Variants in MTDH observed in about 807,000 individuals in gnomAD.
MTDH encodes the protein protein LYRIC.
Under a neutral mutation model 72.7 loss-of-function variants are expected in MTDH, and 34 were observed. The ratio of observed to expected loss-of-function variants is 0.47; its 90% confidence interval spans 0.36 to 0.62. MTDH has a LOEUF of 0.62. Ranked by LOEUF, MTDH falls within the 20% of genes least tolerant of loss-of-function variation. The probability of loss-of-function intolerance (pLI) is 0.00; values close to 1 mark genes in which losing one functional copy is unlikely to be tolerated. For synonymous variants in MTDH, 266 were observed against 268.9 expected (o/e 0.99, Z 0.10); for missense variants, 677 against 699.4 (o/e 0.97, Z 0.36).
intron 10 of MTDH, 54 bp downstream of exon 10, chr8:97,719,243 C>T (rs977217195): frequency 5.3e-5 from 83 of 1,574,484 alleles, no homozygotes; most frequent in Non-Finnish European, 7.1e-5. Context: ...GCCTGTAATC[C>T]CAGCACTTTG....
intron 10 of MTDH, among the ~76,000 whole-genome samples, chr8:97,720,204 G>T (rs1391862868): frequency 6.6e-6 from 1 of 152,154 alleles, no homozygotes; most frequent in Non-Finnish European, 1.5e-5. Context: ...AGAATCACTT[G>T]AACCCAGGAG....
At chr8:97,680,310 G>A (rs1055037343) in intron 2 of MTDH, among the ~76,000 whole-genome samples, 16 of 151,902 alleles carry the variant, frequency 1.1e-4, no homozygotes, top group Non-Finnish European at 2.9e-5. Context: ...GGCCTCAATC[G>A]GTCGGCCCAC....
At chr8:97,675,270 T>C (rs554172760) in intron 2 of MTDH, among the ~76,000 whole-genome samples, 2 of 152,264 alleles carry the variant, frequency 1.3e-5, no homozygotes, top group Admixed American at 1.3e-4. Context: ...GAGTAAGAAT[T>C]ACATTCAGGG....
intron 6 of MTDH, among the ~76,000 whole-genome samples, chr8:97,696,995 C>T (rs541348419): frequency 1.3e-5 from 2 of 150,270 alleles, no homozygotes; most frequent in African/African-American, 4.9e-5. Context: ...CCTGTGGTCC[C>T]AGCTACTCAG....
chr8:97,660,244 G>A (rs969424911), intron 1 of MTDH, among the ~76,000 whole-genome samples: 1 of 152,200 alleles, frequency 6.6e-6, no homozygotes, highest in Non-Finnish European at 1.5e-5. Flanking sequence ...GCATCTCTAA[G>A]TGCTATCCAT....
chr8:97,717,622 T>TCC (rs35043860), intron 9 of MTDH, among the ~76,000 whole-genome samples: 24 of 132,868 alleles, frequency 1.8e-4, no homozygotes, highest in South Asian at 7.3e-4. Flanking sequence ...TAAATTTTTA[T>TCC]CCCCCCCCCC....
At chr8:97,721,611 A>G (rs1246979745) in intron 10 of MTDH, among the ~76,000 whole-genome samples, 4 of 152,194 alleles carry the variant, frequency 2.6e-5, no homozygotes, top group Admixed American at 6.5e-5. Context: ...CCTTCTTTCT[A>G]TGTTCAGGAT....
intron 5 of MTDH, among the ~76,000 whole-genome samples, chr8:97,690,222 C>T (rs1813544294): frequency 6.6e-6 from 1 of 152,072 alleles, no homozygotes; most frequent in African/African-American, 2.4e-5. Flanking sequence ...AACCCTTGAC[C>T]TCAGGTCATC....
Position 97,644,769 on chromosome 8 carries a change from A to G in MTDH, c.263A>G (p.Lys88Arg). ...ARKKRRSPPR[K>R]REEAAAVPAA... is the part of the protein sequence containing the mutation. ...AAAAAGCGGAGGAGCCCGCCCCGCA[A>G]GCGGGAGGAGGCGGCGGCCGTGCCG... The change falls in exon 1 of 12, where the codon AAG (lysine) becomes AGG (arginine). Residue 88 changes from lysine to arginine, a missense_variant. By Grantham distance (26) the Lys-to-Arg change is conservative (BLOSUM62 2). Around this residue, in one of 3 missense-constraint regions of MTDH, gnomAD observed 467 missense variants for 469.1 expected, o/e 1.00. Coordinates refer to ENST00000336273, the MANE Select transcript of MTDH (RefSeq NM_178812.4). 5 of 1,558,642 alleles carry G rather than the reference A, an allele frequency of 3.2e-6. No individual in the cohort carries two copies. The highest frequency in any genetic ancestry group is 2.3e-5 in the South Asian group (2 of 85,204).
At position 97,699,831 on chromosome 8, in the gene MTDH, G is replaced by A. The variant is rs552734424; in HGVS notation, c.1126G>A (p.Asp376Asn). The change falls in exon 7 of 12, where the codon GAT becomes AAT. Residue 376 changes from aspartate (D) to asparagine (N), a missense_variant. By Grantham distance (23) the Asp-to-Asn change is conservative. Around this residue, in one of 3 missense-constraint regions of MTDH, gnomAD observed 467 missense variants for 469.1 expected, o/e 1.00. Coordinates refer to ENST00000336273, the MANE Select transcript of MTDH (RefSeq NM_178812.4). Reference sequence around the variant, plus strand: ...TGTTAGCCGTAATCAACCCTATATCGATGATGAATGGTCTGGGTTAAGTAT... The same window carrying A: ...TGTTAGCCGTAATCAACCCTATATCAATGATGAATGGTCTGGGTTAAGTAT... ...WDVSRNQPYIDDEWSGLNGLS... is the reference protein window; with the variant it reads ...WDVSRNQPYINDEWSGLNGLS... 18 of 1,611,112 alleles carry A rather than the reference G, an allele frequency of 1.1e-5. No homozygotes were observed. The highest frequency in any genetic ancestry group is 7.7e-5 in the South Asian group (7 of 90,880).
Position 97,690,996 on chromosome 8 carries a change from T to A in MTDH, c.856T>A (p.Trp286Arg). ...NENLTVNGGG[W>R]NEKSVKLSSQ... ...AAACCTCACTGTCAATGGAGGAGGC[T>A]GGAATGAAAAGTCTGTAAAACTCTC... is the stretch of plus-strand genomic sequence containing the variant. Residue 286 changes from tryptophan to arginine, a missense_variant, in exon 6 of 12, where the codon TGG becomes AGG. By Grantham distance (101) the Trp-to-Arg change is moderately radical (BLOSUM62 -3). Transcript: ENST00000336273. 6.2e-7 allele frequency: 1 copy of A among 1,613,954 alleles called. No individual in the cohort carries two copies. Among genetic ancestry groups the A allele is most frequent in the African/African-American group, 1.3e-5 (1 of 75,038 alleles).
In MTDH at chr8:97,719,030, A is replaced by C; in HGVS notation, c.1381-19A>C. On this transcript the variant is annotated intron_variant, in intron 9 of 11. Transcript: ENST00000336273. ...GAATGAATGCTTTATATAATCTAAT[A>C]GGTTATTTTTCTCTATAGGACACAG... 2 of 1,567,944 alleles carry C rather than the reference A, an allele frequency of 1.3e-6. No individual in the cohort carries two copies. The highest frequency in any genetic ancestry group is 1.7e-6 in the Non-Finnish European group (2 of 1,152,788).
rs753565709 is a variant in MTDH at position 97,690,958 on chromosome 8, C to T, written c.818C>T (p.Ser273Leu). Residue 273 changes from serine (S) to leucine (L), a missense_variant, in exon 6 of 12, where the codon TCA becomes TTA. This residue lies in a region of MTDH where 467 missense variants were observed against 469.1 expected (regional missense o/e 1.00). Coordinates refer to ENST00000336273, the MANE Select transcript of MTDH (RefSeq NM_178812.4). Reference protein sequence around the residue: ...GKGDSTLQVSSGLNENLTVNG... With the variant: ...GKGDSTLQVSLGLNENLTVNG... ...TCATTTTCTTTTCTTTAAGTTTCTTCAGGATTGAATGAAAACCTCACTGTC... is the reference window on the plus strand; with the variant it reads ...TCATTTTCTTTTCTTTAAGTTTCTTTAGGATTGAATGAAAACCTCACTGTC... The T allele has an allele frequency of 6.2e-7, 1 of 1,602,008 alleles. No individual in the cohort carries two copies. Among genetic ancestry groups the T allele is most frequent in the East Asian group, 2.2e-5 (1 of 44,768 alleles).
chr8:97,677,587 G>A (rs1294655242), intron 2 of MTDH, among the ~76,000 whole-genome samples: 1 of 152,014 alleles, frequency 6.6e-6, no homozygotes, highest in Non-Finnish European at 1.5e-5. Context: ...ATGAAGTTAT[G>A]ATGATTTAAT....
intron 8 of MTDH, among the ~76,000 whole-genome samples, chr8:97,709,543 A>C (rs1324751932): frequency 1.3e-5 from 2 of 152,206 alleles, no homozygotes; most frequent in African/African-American, 4.8e-5. Flanking sequence ...TGGGGAATGG[A>C]AAGATGTGAT....
chr8:97,664,165 G>T (rs1007284125), intron 2 of MTDH, among the ~76,000 whole-genome samples: 4 of 152,138 alleles, frequency 2.6e-5, no homozygotes, highest in African/African-American at 9.7e-5. Context: ...AGATCAGCCT[G>T]GTCAACATGG....
chr8:97,686,782 A>C, intron 3 of MTDH, 30 bp downstream of exon 3: 2 of 1,470,716 alleles, frequency 1.4e-6, no homozygotes, highest in Non-Finnish European at 1.8e-6. Flanking sequence ...GACTGTAGAA[A>C]ATTTTTTAAT....
intron 1 of MTDH, 51 bp from the exon 2 acceptor site, chr8:97,661,021 A>G: frequency 7.0e-7 from 1 of 1,423,682 alleles, no homozygotes; most frequent in Non-Finnish European, 9.8e-7. Context: ...AAATCTTTGC[A>G]CTGATCTGCT....
chr8:97,691,640 G>A (rs1210172438), intron 6 of MTDH, among the ~76,000 whole-genome samples: 4 of 152,190 alleles, frequency 2.6e-5, no homozygotes, highest in Admixed American at 1.3e-4. Context: ...ACCAGTAGTT[G>A]AGAAGTTTAT....
Sources: allele counts gnomAD v4.1 joint callset (sites outside exome capture counted in the v4.1 genomes callset), GRCh38; gene constraint gnomAD v4.1.1; regional missense constraint gnomAD v4.1.1; transcripts MANE v1.5; gene names NCBI Gene and HGNC (gene_info 2026-07-23, HGNC 2026-07-21).